The following CELF2 variants were observed in gnomAD, a reference collection of about 807,000 sequenced individuals.
CELF2 encodes CUG triplet repeat RNA-binding protein 2.
In CELF2, 8 loss-of-function variants were observed where a neutral mutation model predicts 62.6. That is an observed-to-expected ratio of 0.13 (90% confidence interval 0.07 to 0.23). The LOEUF is 0.23. Ranked by LOEUF, CELF2 falls within the 10% of genes least tolerant of loss-of-function variation. The pLI, the probability that CELF2 is intolerant of heterozygous loss-of-function variation, is 1.00. For missense variants in CELF2, 333 were observed against 671.0 expected (o/e 0.50, Z 5.56); for synonymous variants, 258 against 250.0 (o/e 1.03, Z -0.30).
chr10:10,850,203 A>G (rs996739283), intron 1 of CELF2, among the ~76,000 whole-genome samples: 5 of 152,128 alleles, frequency 3.3e-5, no homozygotes, highest in Non-Finnish European at 5.9e-5. Context: ...AAGTTATTAA[A>G]TTATATCTGG....
chr10:10,717,309 C>A, the CELF2 span, among the ~76,000 whole-genome samples: 1 of 151,712 alleles, frequency 6.6e-6, no homozygotes, highest in Non-Finnish European at 1.5e-5. Flanking sequence ...TTTTAACGTG[C>A]TAGCATGTAC....
At position 11,011,091 on chromosome 10, in the gene CELF2, C is replaced by T. The variant is rs1328250444; in HGVS notation, c.53+5651C>T. On this transcript the variant is annotated intron_variant, in intron 1 of 12. Coordinates refer to the CELF2 transcript ENST00000416382. This position sits in a 1 kb window ranked among gnomAD's most constrained non-coding sequence, Gnocchi z 4.6. ...TGAGGAGGTCTTTGAATTAAAGCAT[C>T]CCATGCCTCACTTCTCTTGGGCTTG... 1 of 152,088 alleles carries T rather than the reference C, an allele frequency of 6.6e-6. No homozygotes were observed. The highest frequency in any genetic ancestry group is 1.5e-5 in the Non-Finnish European group (1 of 68,024). 9.4% of individuals were successfully genotyped at this position (152,088 alleles called of 1,614,324 possible). A position where few individuals can be genotyped will look rare whatever the true frequency, so the allele number is the denominator to read the frequency against.
At chr10:11,074,631 G>A (rs1303561232) in intron 1 of CELF2, among the ~76,000 whole-genome samples, 1 of 152,158 alleles carries the variant, frequency 6.6e-6, no homozygotes, top group Non-Finnish European at 1.5e-5. Flanking sequence ...TCTGCGACGG[G>A]GGACTGGTAT....
chr10:10,579,264 A>C, the CELF2 span, among the ~76,000 whole-genome samples: 1 of 152,156 alleles, frequency 6.6e-6, no homozygotes, highest in African/African-American at 2.4e-5. Context: ...TGCATCTTGG[A>C]GTTTAAGAAG....
Position 11,321,083 on chromosome 10 carries a change from C to A in CELF2, c.1097-106C>A. 7.6e-7 allele frequency: 1 copy of A among 1,311,112 alleles called. No individual in the cohort carries two copies. Among genetic ancestry groups the A allele is most frequent in the African/African-American group, 1.5e-5 (1 of 68,688 alleles). 81.2% of individuals were successfully genotyped at this position (1,311,112 alleles called of 1,614,324 possible). A position where few individuals can be genotyped will look rare whatever the true frequency, so the allele number is the denominator to read the frequency against. ...TGTCAGTGTAATTGTGTGCTAGCTG[C>A]ATGTACTTGCTGTTGTACTGTGTTT... On this transcript the variant is annotated intron_variant, in intron 10 of 12. Transcript: ENST00000633077. The surrounding 1 kb of genome is among the most constrained non-coding windows in gnomAD (Gnocchi z 6.2).
intron 2 of CELF2, among the ~76,000 whole-genome samples, chr10:10,942,309 A>G (rs1181937971): frequency 6.6e-6 from 1 of 152,206 alleles, no homozygotes; most frequent in East Asian, 1.9e-4. Context: ...CTCATGCCTC[A>G]CCATCTCTCA....
chr10:10,961,271 C>T (rs1272343471), intron 2 of CELF2, among the ~76,000 whole-genome samples: 3 of 152,082 alleles, frequency 2.0e-5, no homozygotes, highest in African/African-American at 7.2e-5. Flanking sequence ...ATTTTATTGG[C>T]AGAAGATTAC....
At chr10:10,726,334 T>G in the CELF2 span, among the ~76,000 whole-genome samples, 1 of 152,210 alleles carries the variant, frequency 6.6e-6, no homozygotes, top group African/African-American at 2.4e-5. Flanking sequence ...TCTGCCTTTC[T>G]AGATTGTGCT....
intron 2 of CELF2, among the ~76,000 whole-genome samples, chr10:11,168,242 C>T (rs1307591686): frequency 6.6e-6 from 1 of 152,184 alleles, no homozygotes; most frequent in Non-Finnish European, 1.5e-5. Flanking sequence ...TTTGGAAATA[C>T]AGGTCAATTC....
At chr10:10,673,214 G>C in the CELF2 span, among the ~76,000 whole-genome samples, 2 of 151,986 alleles carry the variant, frequency 1.3e-5, no homozygotes, top group Non-Finnish European at 2.9e-5. Flanking sequence ...TTTCTACGTA[G>C]ACTACCATGT....
At chr10:10,948,644 A>C (rs2047962606) in intron 2 of CELF2, among the ~76,000 whole-genome samples, 1 of 152,160 alleles carries the variant, frequency 6.6e-6, no homozygotes, top group Admixed American at 6.5e-5. Context: ...CTAGGCTGGG[A>C]GGGCTGCCTC....
the CELF2 span, among the ~76,000 whole-genome samples, chr10:10,556,389 T>C: frequency 2.0e-5 from 3 of 152,164 alleles, no homozygotes; most frequent in Non-Finnish European, 2.9e-5. Context: ...TGCATAGTAT[T>C]CCATGGTGTA....
Position 11,224,831 on chromosome 10 carries a change from T to G in CELF2, c.354+7324T>G, listed in dbSNP as rs73579336. Among the ~76,000 whole-genome samples the G allele has an allele frequency of 6.9e-3, 1,049 of 152,212 alleles. 16 individuals are homozygous for G. Among genetic ancestry groups the G allele is most frequent in the African/African-American group, 0.024 (1,002 of 41,514 alleles). On this transcript the variant is annotated intron_variant, in intron 3 of 12. Transcript: ENST00000633077. The surrounding 1 kb of genome is among the most constrained non-coding windows in gnomAD (Gnocchi z 4.5). ...AAAAAGCATACAGCATGGGTAGATGTGGAGAGAGTTCTCCCAGGAACACCA... is the reference window on the plus strand; with the variant it reads ...AAAAAGCATACAGCATGGGTAGATGGGGAGAGAGTTCTCCCAGGAACACCA...
chr10:10,590,567 TTA>T, the CELF2 span, among the ~76,000 whole-genome samples: 1 of 152,150 alleles, frequency 6.6e-6, no homozygotes, highest in Non-Finnish European at 1.5e-5. Flanking sequence ...TTCCTGCCCT[TTA>T]CTACCACCAG....
intron 1 of CELF2, among the ~76,000 whole-genome samples, chr10:10,902,980 G>T (rs550592907): frequency 2.6e-5 from 4 of 151,572 alleles, no homozygotes; most frequent in Non-Finnish European, 4.4e-5. Flanking sequence ...GAAGAAGGGA[G>T]GAAGAAAGGA....
At chr10:10,859,414 T>G (rs892497145) in intron 1 of CELF2, among the ~76,000 whole-genome samples, 6 of 151,914 alleles carry the variant, frequency 3.9e-5, no homozygotes, top group African/African-American at 9.7e-5. Flanking sequence ...GAAAGATCTG[T>G]TTTTTTTCTT....
chr10:10,825,875 G>A (rs2057349005), intron 1 of CELF2, among the ~76,000 whole-genome samples: 1 of 152,188 alleles, frequency 6.6e-6, no homozygotes, highest in African/African-American at 2.4e-5. Context: ...TGCTTGTGAA[G>A]CCATGTCCAA....
At chr10:10,619,947 T>C in the CELF2 span, among the ~76,000 whole-genome samples, 1 of 152,086 alleles carries the variant, frequency 6.6e-6, no homozygotes, top group East Asian at 1.9e-4. Flanking sequence ...CCACTTGCCC[T>C]AAGAGGTAAA....
chr10:11,239,175 ATATTT>A (rs1047223260), intron 3 of CELF2, among the ~76,000 whole-genome samples: 1 of 152,148 alleles, frequency 6.6e-6, no homozygotes, highest in Non-Finnish European at 1.5e-5. Flanking sequence ...TTTTCCTGCA[ATATTT>A]TATTTTATTT....
Sources: gnomAD v4.1 joint callset for allele counts (sites outside exome capture counted in the v4.1 genomes callset) on GRCh38, gnomAD v4.1.1 for gene constraint, Gnocchi (gnomAD v3.1) non-coding constraint, MANE v1.5 for transcripts, NCBI Gene and HGNC (gene_info 2026-07-23, HGNC 2026-07-21) for gene names.